The following ARHGAP32 variants were observed in gnomAD, a reference collection of about 807,000 sequenced individuals.
ARHGAP32 encodes Rho GTPase activating protein 32, also known as rho GTPase-activating protein 32.
A neutral mutation model predicts 186.5 loss-of-function variants in ARHGAP32; 51 were observed. That is an observed-to-expected ratio of 0.27 (90% CI 0.22 to 0.35). ARHGAP32 has a LOEUF of 0.35. Ranked by LOEUF, ARHGAP32 falls within the 10% of genes least tolerant of loss-of-function variation. ARHGAP32 has a pLI of 1.00. For synonymous variants in ARHGAP32, 950 were observed against 964.3 expected (o/e 0.99, Z 0.27); for missense variants, 2,186 against 2,623.5 (o/e 0.83, Z 3.64).
At chr11:129,151,278 T>C (rs565374784) in intron 2 of ARHGAP32, among the ~76,000 whole-genome samples, 19 of 152,266 alleles carry the variant, frequency 1.2e-4, no homozygotes, top group Admixed American at 9.2e-4. Context: ...AACACAATAA[T>C]AGTGGGGAAA....
At chr11:128,975,589 G>T (rs1945519780) in intron 20 of ARHGAP32, among the ~76,000 whole-genome samples, 1 of 151,794 alleles carries the variant, frequency 6.6e-6, no homozygotes, top group Non-Finnish European at 1.5e-5. Flanking sequence ...TTAAGAATAG[G>T]TTTTAAGTTT....
At chr11:129,255,395 G>A (rs1371828715) in intron 1 of ARHGAP32, among the ~76,000 whole-genome samples, 28 of 151,976 alleles carry the variant, frequency 1.8e-4, no homozygotes, top group Admixed American at 1.8e-3. Context: ...CAGAAAAAAT[G>A]CAGATCTAAA....
chr11:129,231,616 A>C (rs1944859935), intron 1 of ARHGAP32, among the ~76,000 whole-genome samples: 1 of 152,120 alleles, frequency 6.6e-6, no homozygotes, highest in African/African-American at 2.4e-5. Flanking sequence ...ACTTAAGAAA[A>C]TCAGAGGCCA....
At chr11:129,120,186 C>CA (rs910159776) in intron 5 of ARHGAP32, among the ~76,000 whole-genome samples, 1 of 151,834 alleles carries the variant, frequency 6.6e-6, no homozygotes, top group African/African-American at 2.4e-5. Context: ...AAGATGGAGC[C>CA]AAAAAATCTG....
At chr11:129,021,614 G>A (rs1236334856) in intron 11 of ARHGAP32, among the ~76,000 whole-genome samples, 2 of 151,960 alleles carry the variant, frequency 1.3e-5, no homozygotes, top group Non-Finnish European at 2.9e-5. Context: ...ACAGATTTCA[G>A]TTATAAATAT....
intron 1 of ARHGAP32, among the ~76,000 whole-genome samples, chr11:129,260,752 A>C (rs181705693): frequency 6.6e-6 from 1 of 152,286 alleles, no homozygotes; most frequent in Admixed American, 6.6e-5. Context: ...TTAGCACAAT[A>C]AAATATGTTA....
chr11:128,972,169 A>T (rs921524253), intron 22 of ARHGAP32: 7 of 211,428 alleles, frequency 3.3e-5, no homozygotes, highest in Middle Eastern at 1.7e-3. Flanking sequence ...TTTGATCCTG[A>T]TCTCTTTGTG....
chr11:129,245,296 G>C (rs1945076919), intron 1 of ARHGAP32, among the ~76,000 whole-genome samples: 1 of 147,304 alleles, frequency 6.8e-6, no homozygotes, highest in East Asian at 2.0e-4. Flanking sequence ...CATGTCCTTT[G>C]TAGGGACATG....
chr11:129,141,997 TGCAAA>T (rs1361491509), intron 2 of ARHGAP32, among the ~76,000 whole-genome samples: 1 of 152,054 alleles, frequency 6.6e-6, no homozygotes, highest in Admixed American at 6.6e-5. Flanking sequence ...AACTACAATG[TGCAAA>T]GCTAGGCATT....
chr11:129,101,937 T>C (rs1288083632), intron 5 of ARHGAP32, among the ~76,000 whole-genome samples: 3 of 151,838 alleles, frequency 2.0e-5, no homozygotes, highest in Non-Finnish European at 4.4e-5. Context: ...AAAGAAAAAA[T>C]GTGAAAGGCA....
chr11:129,068,168 T>A (rs1940758511), intron 6 of ARHGAP32, among the ~76,000 whole-genome samples: 1 of 152,074 alleles, frequency 6.6e-6, no homozygotes, highest in Admixed American at 6.6e-5. Flanking sequence ...AAACCCAAAC[T>A]ATCCCCACAT....
At chr11:129,128,964 C>T (rs538632143) in intron 2 of ARHGAP32, among the ~76,000 whole-genome samples, 1 of 152,362 alleles carries the variant, frequency 6.6e-6, no homozygotes, top group South Asian at 2.1e-4. Flanking sequence ...CTGCCTTGGC[C>T]TCCCAAAGTG....
chr11:129,102,319 T>C (rs190922606), intron 5 of ARHGAP32, among the ~76,000 whole-genome samples: 1 of 152,256 alleles, frequency 6.6e-6, no homozygotes, highest in Non-Finnish European at 1.5e-5. Flanking sequence ...CCAGCTAACA[T>C]CATGATGACA....
chr11:129,086,690 G>GCA (rs1366304582), intron 6 of ARHGAP32, among the ~76,000 whole-genome samples: 1 of 151,938 alleles, frequency 6.6e-6, no homozygotes, highest in Non-Finnish European at 1.5e-5. Flanking sequence ...GCGTGGTGGT[G>GCA]GGCGCCTGTA....
At chr11:129,256,892 G>A (rs1414763881) in intron 1 of ARHGAP32, among the ~76,000 whole-genome samples, 2 of 152,112 alleles carry the variant, frequency 1.3e-5, no homozygotes, top group East Asian at 1.9e-4. Flanking sequence ...TAAGACTTCC[G>A]CGAATCTCTT....
At chr11:129,224,520 A>T (rs567958527) in intron 1 of ARHGAP32, among the ~76,000 whole-genome samples, 65 of 152,082 alleles carry the variant, frequency 4.3e-4, no homozygotes, top group Admixed American at 9.2e-4. Flanking sequence ...TCTCCGTAAG[A>T]ACAGCAAATT....
At chr11:128,982,501 G>GTC (rs919255354) in intron 15 of ARHGAP32, among the ~76,000 whole-genome samples, 2 of 151,930 alleles carry the variant, frequency 1.3e-5, no homozygotes, top group African/African-American at 4.8e-5. Flanking sequence ...GTGTGTGTGT[G>GTC]TGTGTGTCTG....
At chr11:129,193,703 A>ATATATATTATATAATATATAATATATAT (rs1944346027), upstream of ARHGAP32, among the ~76,000 whole-genome samples, 7 of 48,372 alleles carry the variant, frequency 1.4e-4, no homozygotes, top group South Asian at 4.7e-4. Context: ...ATAATATATA[A>ATATATATTATATAATATATAATATATAT]TATATATTAT....
At chr11:129,112,851 A>G (rs1272609257) in intron 5 of ARHGAP32, among the ~76,000 whole-genome samples, 2 of 152,208 alleles carry the variant, frequency 1.3e-5, no homozygotes, top group African/African-American at 2.4e-5. Flanking sequence ...CCCTTCTTAT[A>G]GCAATCCTGC....
Sources: gnomAD v4.1 joint callset for allele counts (sites outside exome capture counted in the v4.1 genomes callset) on GRCh38, gnomAD v4.1.1 for gene constraint, MANE v1.5 for transcripts, NCBI Gene and HGNC (gene_info 2026-07-23, HGNC 2026-07-21) for gene names.